The following ABCB1 variants were observed in gnomAD, a reference collection of about 807,000 sequenced individuals.
The protein encoded by ABCB1 is ATP-dependent translocase ABCB1.
Under a neutral mutation model 142.0 loss-of-function variants are expected in ABCB1, and 69 were observed. That is an observed-to-expected ratio of 0.49 (90% CI 0.40 to 0.59). The LOEUF (loss-of-function observed/expected upper bound fraction) is 0.59, where lower values mean the gene tolerates loss of function less well. Among genes scored for constraint, ABCB1 ranks in the 20% least tolerant of loss-of-function variants. The pLI, the probability that ABCB1 is intolerant of heterozygous loss-of-function variation, is 0.00. For missense variants in ABCB1, 1,326 were observed against 1,554.7 expected (o/e 0.85, Z 2.47); for synonymous variants, 532 against 539.2 (o/e 0.99, Z 0.18).
intron 25 of ABCB1, among the ~76,000 whole-genome samples, chr7:87,511,638 G>C (rs1198127621): frequency 6.6e-6 from 1 of 152,176 alleles, no homozygotes; most frequent in East Asian, 1.9e-4. Context: ...ATAAGGAAAT[G>C]AGCAAAGTTA....
chr7:87,706,415 T>C (rs1829590050), intron 1 of ABCB1, among the ~76,000 whole-genome samples: 1 of 152,094 alleles, frequency 6.6e-6, no homozygotes, highest in Non-Finnish European at 1.5e-5. Context: ...GTAATTGGAA[T>C]CTAAAACAGA....
At chr7:87,559,801 TG>T (rs1003532727) in intron 8 of ABCB1, among the ~76,000 whole-genome samples, 1 of 152,140 alleles carries the variant, frequency 6.6e-6, no homozygotes, top group Non-Finnish European at 1.5e-5. Context: ...CTAACTTCTA[TG>T]GGGAGATGTT....
chr7:87,535,520 G>GA (rs28381958), intron 20 of ABCB1, among the ~76,000 whole-genome samples: 40,596 of 151,560 alleles, frequency 0.27, 7,036 homozygotes, highest in African/African-American at 0.48. Context: ...TCTAAACCTT[G>GA]TTTTTATTGT....
intron 1 of ABCB1, among the ~76,000 whole-genome samples, chr7:87,673,271 G>A (rs1447473478): frequency 6.6e-6 from 1 of 152,178 alleles, no homozygotes; most frequent in Non-Finnish European, 1.5e-5. Context: ...CTTCTCTAGA[G>A]AGGTTGGGGA....
chr7:87,667,908 TG>T (rs963810263), intron 1 of ABCB1, among the ~76,000 whole-genome samples: 2 of 152,148 alleles, frequency 1.3e-5, no homozygotes, highest in Non-Finnish European at 2.9e-5. Context: ...TGAGGATTTT[TG>T]TATTGATGTT....
chr7:87,651,020 T>G (rs952271601), intron 1 of ABCB1: 1 of 759,480 alleles, frequency 1.3e-6, no homozygotes, highest in Non-Finnish European at 2.2e-6. Flanking sequence ...ACAGTCTGTG[T>G]GACTTAGATA....
At chr7:87,677,270 A>G (rs1345214897) in intron 1 of ABCB1, among the ~76,000 whole-genome samples, 2 of 144,886 alleles carry the variant, frequency 1.4e-5, no homozygotes, top group Non-Finnish European at 3.0e-5. Flanking sequence ...ACTACAGTGT[A>G]TATAACACAC....
chr7:87,604,301 A>G (rs1819570154), upstream of ABCB1, among the ~76,000 whole-genome samples: 2 of 152,288 alleles, frequency 1.3e-5, no homozygotes, highest in Middle Eastern at 3.4e-3. Flanking sequence ...AAGGTTCAAC[A>G]TGCTTAAAGA....
chr7:87,711,657 A>G (rs1330431674), intron 1 of ABCB1, among the ~76,000 whole-genome samples: 1 of 152,174 alleles, frequency 6.6e-6, no homozygotes, highest in Admixed American at 6.5e-5. Context: ...CCACTAACAC[A>G]TGCCATGTAT....
intron 2 of ABCB1, among the ~76,000 whole-genome samples, chr7:87,596,509 A>G (rs1240082661): frequency 1.3e-5 from 2 of 152,144 alleles, no homozygotes; most frequent in Non-Finnish European, 2.9e-5. Context: ...GAGCCCAGAT[A>G]CAAATGAATC....
At chr7:87,652,621 G>GAGATATAT (rs374832268) in intron 1 of ABCB1, among the ~76,000 whole-genome samples, 2 of 125,394 alleles carry the variant, frequency 1.6e-5, no homozygotes, top group African/African-American at 6.9e-5. Context: ...TGTGGTCACT[G>GAGATATAT]ATATATATAT....
chr7:87,699,572 G>C (rs1248889615), intron 1 of ABCB1, among the ~76,000 whole-genome samples: 2 of 152,004 alleles, frequency 1.3e-5, no homozygotes, highest in South Asian at 4.1e-4. Context: ...TGCCCAGCTA[G>C]TTTTTGTATT....
At chr7:87,529,365 T>G (rs1409061007) in intron 21 of ABCB1, among the ~76,000 whole-genome samples, 3 of 152,184 alleles carry the variant, frequency 2.0e-5, no homozygotes, top group Non-Finnish European at 4.4e-5. Context: ...TGTGTTCAGG[T>G]GGAAGTTGAT....
At chr7:87,592,868 C>T (rs1819051358) in intron 3 of ABCB1, among the ~76,000 whole-genome samples, 1 of 151,020 alleles carries the variant, frequency 6.6e-6, no homozygotes, top group African/African-American at 2.4e-5. Flanking sequence ...CCCTAAGACA[C>T]ACATAATAGA....
intron 18 of ABCB1, among the ~76,000 whole-genome samples, chr7:87,539,549 A>G (rs1816440931): frequency 6.6e-6 from 1 of 152,224 alleles, no homozygotes; most frequent in Non-Finnish European, 1.5e-5. Context: ...GAAGAAACTG[A>G]GGCTTAGAGA....
At chr7:87,687,406 C>G (rs1459045753) in intron 1 of ABCB1, among the ~76,000 whole-genome samples, 4 of 152,140 alleles carry the variant, frequency 2.6e-5, no homozygotes, top group Admixed American at 2.6e-4. Context: ...CACCTCCCCT[C>G]CTTTCAACCT....
intron 9 of ABCB1, among the ~76,000 whole-genome samples, 195 bp downstream of exon 9, chr7:87,553,566 T>C (rs2235026): frequency 0.6 from 91,492 of 151,762 alleles, 28,386 homozygotes; most frequent in African/African-American, 0.75. Context: ...GTGATCTGCC[T>C]GCCTCGGCCT....
At chr7:87,660,022 T>C (rs1216635732) in intron 1 of ABCB1, among the ~76,000 whole-genome samples, 1 of 152,144 alleles carries the variant, frequency 6.6e-6, no homozygotes, top group Admixed American at 6.6e-5. Context: ...TTTGATAACA[T>C]TTTAGAGGTT....
chr7:87,563,690 C>T (rs186672194), intron 7 of ABCB1, among the ~76,000 whole-genome samples: 3 of 152,222 alleles, frequency 2.0e-5, no homozygotes, highest in Admixed American at 1.3e-4. Flanking sequence ...TTACAGCTAA[C>T]ATTATACTGA....
Sources: allele counts gnomAD v4.1 joint callset (sites outside exome capture counted in the v4.1 genomes callset), GRCh38; gene constraint gnomAD v4.1.1; transcripts MANE v1.5; gene names NCBI Gene and HGNC (gene_info 2026-07-23, HGNC 2026-07-21).